Variants in CYSLTR2 observed in about 807,000 individuals in gnomAD.
CYSLTR2 encodes the protein G-protein coupled receptor GPCR21.
For missense variants in CYSLTR2, 398 were observed against 411.9 expected (o/e 0.97, Z 0.29); for synonymous variants, 179 against 160.8 (o/e 1.11, Z -0.86).
At position 48,706,892 on chromosome 13, in the gene CYSLTR2, T is replaced by A; in HGVS notation, c.75T>A (p.Asn25Lys). The change falls in exon 5 of 5, where the codon AAT (asparagine) becomes AAA (lysine). Residue 25 changes from asparagine (N) to lysine (K), a missense_variant. By Grantham distance (94) the Asn-to-Lys change is moderately conservative. Coordinates refer to ENST00000682523, the MANE Select transcript of CYSLTR2 (RefSeq NM_001308476.3). ...TGGAACCAAATGGCACCTTCAGCAA[T>A]AACAACAGCAGGAACTGCACAATTG... The part of the protein sequence containing the change: ...SEMEPNGTFS[N>K]NNSRNCTIEN... 1 of 1,614,152 alleles carries A rather than the reference T, an allele frequency of 6.2e-7. No homozygotes were observed. Among genetic ancestry groups the A allele is most frequent in the Non-Finnish European group, 8.5e-7 (1 of 1,180,012 alleles).
At chr13:48,695,909 C>T (rs1954173770) in intron 3 of CYSLTR2, among the ~76,000 whole-genome samples, 1 of 152,228 alleles carries the variant, frequency 6.6e-6, no homozygotes, top group Non-Finnish European at 1.5e-5. Flanking sequence ...TTTCATTTCC[C>T]TGGGATAAAT....
intron 1 of CYSLTR2, among the ~76,000 whole-genome samples, chr13:48,683,792 C>T (rs985033094): frequency 5.9e-5 from 9 of 152,164 alleles, no homozygotes; most frequent in Non-Finnish European, 7.3e-5. Flanking sequence ...GCATTTTCAT[C>T]ATGAAATCTT....
chr13:48,682,650 T>G (rs1953787122), intron 1 of CYSLTR2, among the ~76,000 whole-genome samples: 1 of 152,150 alleles, frequency 6.6e-6, no homozygotes, highest in Non-Finnish European at 1.5e-5. Flanking sequence ...TTTCATCATA[T>G]CAGTTCTTAA....
intron 1 of CYSLTR2, among the ~76,000 whole-genome samples, chr13:48,662,572 C>T (rs1161499044): frequency 1.3e-5 from 2 of 152,074 alleles, no homozygotes; most frequent in Non-Finnish European, 2.9e-5. Context: ...GATACCTCAT[C>T]GTGGTTTTGA....
intron 1 of CYSLTR2, among the ~76,000 whole-genome samples, chr13:48,676,624 G>T (rs1012901008): frequency 6.6e-6 from 1 of 152,214 alleles, no homozygotes; most frequent in Non-Finnish European, 1.5e-5. Flanking sequence ...CTTCCCAATA[G>T]TGGTTACCAA....
chr13:48,676,467 C>T (rs1332233139), intron 1 of CYSLTR2, among the ~76,000 whole-genome samples: 1 of 152,122 alleles, frequency 6.6e-6, no homozygotes, highest in Admixed American at 6.6e-5. Context: ...GGTTTCTAGG[C>T]ATCAGCTAAC....
At chr13:48,673,797 G>C (rs1953518028) in intron 1 of CYSLTR2, among the ~76,000 whole-genome samples, 1 of 152,116 alleles carries the variant, frequency 6.6e-6, no homozygotes, top group African/African-American at 2.4e-5. Context: ...TTCCTTTGGA[G>C]CTCTTGTAAG....
chr13:48,671,750 G>A (rs1045617083), intron 1 of CYSLTR2, among the ~76,000 whole-genome samples: 4 of 151,954 alleles, frequency 2.6e-5, no homozygotes, highest in Non-Finnish European at 4.4e-5. Flanking sequence ...TTTTTTTGTT[G>A]TGTCTCTGCC....
intron 1 of CYSLTR2, among the ~76,000 whole-genome samples, chr13:48,664,784 A>G (rs1356372405): frequency 6.7e-6 from 1 of 150,032 alleles, no homozygotes; most frequent in Non-Finnish European, 1.5e-5. Flanking sequence ...CCAGCTGTTC[A>G]CCTTTTGTAT....
intron 1 of CYSLTR2, among the ~76,000 whole-genome samples, chr13:48,680,800 C>CTTTTTT (rs139896583): frequency 5.7e-3 from 314 of 55,004 alleles, no homozygotes; most frequent in Non-Finnish European, 8.5e-3. Flanking sequence ...CTTTTCTTTT[C>CTTTTTT]TTTTTTTTTT....
At chr13:48,679,097 C>T (rs1163563671) in intron 1 of CYSLTR2, among the ~76,000 whole-genome samples, 1 of 152,174 alleles carries the variant, frequency 6.6e-6, no homozygotes, top group African/African-American at 2.4e-5. Context: ...TCCTTGCATG[C>T]TTCACCTAGG....
At chr13:48,655,306 A>C (rs559534989) in intron 1 of CYSLTR2, among the ~76,000 whole-genome samples, 35 of 152,224 alleles carry the variant, frequency 2.3e-4, no homozygotes, top group Non-Finnish European at 4.7e-4. Context: ...ATAGCTGGCC[A>C]GTTCACTAAC....
At chr13:48,695,906 T>C (rs1191737643) in intron 3 of CYSLTR2, among the ~76,000 whole-genome samples, 1 of 152,224 alleles carries the variant, frequency 6.6e-6, no homozygotes, top group Non-Finnish European at 1.5e-5. Context: ...TGTTTTCATT[T>C]CCCTGGGATA....
Position 48,707,579 on chromosome 13 carries a change from C to T in CYSLTR2, c.762C>T (p.Ile254=), listed in dbSNP as rs138229519. 1 of 1,609,484 alleles carries T rather than the reference C, an allele frequency of 6.2e-7. No individual in the cohort carries two copies. The highest frequency in any genetic ancestry group is 2.2e-5 in the East Asian group (1 of 44,886). The change falls in exon 5 of 5, where the codon ATC becomes ATT. Residue 254 remains isoleucine (I), a synonymous_variant. Coordinates refer to ENST00000682523, the MANE Select transcript of CYSLTR2 (RefSeq NM_001308476.3). ...TGACCACCATCATCATCACCTTGAT[C>T]ATCTTCTTCTTGTGTTTCCTGCCCT... ...KALTTIIITL[I]IFFLCFLPYH...
At chr13:48,671,047 A>G (rs775971020) in intron 1 of CYSLTR2, among the ~76,000 whole-genome samples, 10 of 152,142 alleles carry the variant, frequency 6.6e-5, no homozygotes, top group Non-Finnish European at 1.5e-4. Flanking sequence ...GCAATTGTGA[A>G]TAGGAGTTCA....
intron 4 of CYSLTR2, among the ~76,000 whole-genome samples, chr13:48,705,641 A>G (rs1244403001): frequency 6.7e-6 from 1 of 149,080 alleles, no homozygotes; most frequent in East Asian, 1.9e-4. Context: ...ATATATATAT[A>G]TCTTATGATA....
intron 4 of CYSLTR2, 53 bp from the exon 5 acceptor site, chr13:48,706,764 G>A (rs1954498532): frequency 7.0e-7 from 1 of 1,426,550 alleles, no homozygotes; most frequent in East Asian, 2.3e-5. Context: ...AAGCAAGAAG[G>A]AAAAAGGGAA....
intron 4 of CYSLTR2, among the ~76,000 whole-genome samples, chr13:48,701,586 A>G (rs987792192): frequency 6.6e-6 from 1 of 152,256 alleles, no homozygotes; most frequent in Non-Finnish European, 1.5e-5. Flanking sequence ...CAACCCCATC[A>G]AAAAGTGGGC....
intron 3 of CYSLTR2, among the ~76,000 whole-genome samples, chr13:48,695,068 A>AT (rs869282546): frequency 0.017 from 1,233 of 71,466 alleles, 240 homozygotes; most frequent in Middle Eastern, 0.024. Flanking sequence ...AGAACCTGGC[A>AT]TTTTTTTTTT....
Sources: gnomAD v4.1 joint callset for allele counts (sites outside exome capture counted in the v4.1 genomes callset) on GRCh38, gnomAD v4.1.1 for gene constraint, MANE v1.5 for transcripts, NCBI Gene and HGNC (gene_info 2026-07-23, HGNC 2026-07-21) for gene names.